The following OPCML variants were observed in gnomAD, a reference collection of about 807,000 sequenced individuals.
OPCML encodes opioid-binding protein/cell adhesion molecule.
Under a neutral mutation model 37.8 loss-of-function variants are expected in OPCML, and 13 were observed. The observed-to-expected ratio is 0.34, with a 90% CI of 0.22 to 0.55. The LOEUF (loss-of-function observed/expected upper bound fraction) is 0.55, where lower values mean the gene tolerates loss of function less well. Among genes scored for constraint, OPCML ranks in the 20% least tolerant of loss-of-function variants. The pLI, the probability that OPCML is intolerant of heterozygous loss-of-function variation, is 0.91. For missense variants in OPCML, 341 were observed against 435.6 expected (o/e 0.78, Z 1.93); for synonymous variants, 176 against 168.8 (o/e 1.04, Z -0.33).
chr11:132,469,528 GTGTA>G (rs367554234), intron 4 of OPCML, among the ~76,000 whole-genome samples: 2,500 of 149,258 alleles, frequency 0.017, 34 homozygotes, highest in South Asian at 0.058. Context: ...TGGGGTGTGT[GTGTA>G]TGTATGTGTG....
chr11:133,456,514 C>G (rs952914551), intron 1 of OPCML, among the ~76,000 whole-genome samples: 1 of 151,480 alleles, frequency 6.6e-6, no homozygotes, highest in Non-Finnish European at 1.5e-5. Context: ...ATAAAAGGAA[C>G]AAAATAATTT....
At chr11:133,321,464 G>A (rs546713947) in intron 1 of OPCML, among the ~76,000 whole-genome samples, 1 of 152,302 alleles carries the variant, frequency 6.6e-6, no homozygotes, top group South Asian at 2.1e-4. Context: ...GTGTACAGGA[G>A]TCTGGGGGGA....
At chr11:132,940,087 G>A (rs545793206) in intron 2 of OPCML, among the ~76,000 whole-genome samples, 52 of 152,260 alleles carry the variant, frequency 3.4e-4, no homozygotes, top group African/African-American at 1.1e-3. Context: ...TTTCATCCAC[G>A]TTCAAAGCTT....
At chr11:133,042,479 C>A (rs151288204) in intron 1 of OPCML, among the ~76,000 whole-genome samples, 1 of 152,158 alleles carries the variant, frequency 6.6e-6, no homozygotes, top group Admixed American at 6.5e-5. Context: ...GGGACGCAAA[C>A]GGTGCAGTAG....
chr11:133,493,531 T>C (rs909493662), intron 1 of OPCML, among the ~76,000 whole-genome samples: 1 of 152,180 alleles, frequency 6.6e-6, no homozygotes, highest in African/African-American at 2.4e-5. Flanking sequence ...AAGACACTTC[T>C]ACAACATCTT....
intron 1 of OPCML, among the ~76,000 whole-genome samples, chr11:132,995,261 T>C (rs959870052): frequency 1.3e-5 from 2 of 152,182 alleles, no homozygotes; most frequent in Non-Finnish European, 2.9e-5. Context: ...ATTTGGGTTA[T>C]ATGACAACCC....
chr11:132,452,712 C>G (rs2096071794), intron 4 of OPCML, among the ~76,000 whole-genome samples: 1 of 152,060 alleles, frequency 6.6e-6, no homozygotes, highest in Admixed American at 6.5e-5. Flanking sequence ...TGAACTCTTA[C>G]ACAATAAGCC....
chr11:133,379,233 C>A (rs1944879067), intron 1 of OPCML, among the ~76,000 whole-genome samples: 1 of 152,202 alleles, frequency 6.6e-6, no homozygotes, highest in Non-Finnish European at 1.5e-5. Context: ...AACTAGTCCA[C>A]ACACTAATGA....
At chr11:132,455,313 G>T (rs934293082) in intron 4 of OPCML, among the ~76,000 whole-genome samples, 1 of 152,182 alleles carries the variant, frequency 6.6e-6, no homozygotes, top group Non-Finnish European at 1.5e-5. Context: ...CCTGGAGTGT[G>T]CAGTGACCTG....
rs933782992 is a variant in OPCML, at chr11:132,461,182, G to T, written c.506-23823C>A. On this transcript the variant is annotated intron_variant, in intron 4 of 7. Coordinates refer to ENST00000524381, the MANE Select transcript of OPCML (RefSeq NM_001012393.5). ...TAAAACCCTTAGAATCTCTGCAGCT[G>T]TAAGAGTGTCCTTTGTATGCTAATG... Among the ~76,000 whole-genome samples, 11 of 152,138 alleles carry T rather than the reference G, an allele frequency of 7.2e-5. No individual in the cohort carries two copies. In the East Asian group the frequency reaches 2.1e-3, roughly 29 times the overall value.
At chr11:132,590,122 T>C (rs1055574320) in intron 3 of OPCML, among the ~76,000 whole-genome samples, 51 of 152,282 alleles carry the variant, frequency 3.3e-4, no homozygotes, top group African/African-American at 1.1e-3. Flanking sequence ...ATTCCTATCT[T>C]CCTAGTTCTG....
intron 2 of OPCML, among the ~76,000 whole-genome samples, chr11:132,734,109 T>C (rs2136018125): frequency 6.6e-6 from 1 of 152,318 alleles, no homozygotes; most frequent in East Asian, 1.9e-4. Flanking sequence ...AAAGTACTTA[T>C]CATAATTCTT....
At chr11:132,604,136 A>G (rs567705060) in intron 3 of OPCML, among the ~76,000 whole-genome samples, 1 of 152,318 alleles carries the variant, frequency 6.6e-6, no homozygotes, top group South Asian at 2.1e-4. Flanking sequence ...CAGTATAAAG[A>G]TGAGCAAGAG....
At chr11:132,776,398 C>G (rs558260314) in intron 2 of OPCML, among the ~76,000 whole-genome samples, 1 of 152,314 alleles carries the variant, frequency 6.6e-6, no homozygotes, top group Non-Finnish European at 1.5e-5. Flanking sequence ...TTTGTCCTCT[C>G]CAAGTCTCAC....
chr11:133,008,808 C>T (rs972669694), intron 1 of OPCML: 2 of 774,626 alleles, frequency 2.6e-6, no homozygotes, highest in African/African-American at 3.8e-5. Flanking sequence ...TTCTTCCTGA[C>T]AGTACTCCCT....
At chr11:132,634,354 A>T (rs551212252) in intron 3 of OPCML, among the ~76,000 whole-genome samples, 4 of 152,252 alleles carry the variant, frequency 2.6e-5, no homozygotes, top group Non-Finnish European at 5.9e-5. Context: ...AATTTCCACA[A>T]GGAACATCTG....
intron 1 of OPCML, among the ~76,000 whole-genome samples, chr11:133,480,791 C>T (rs778430836): frequency 3.3e-5 from 5 of 152,254 alleles, no homozygotes; most frequent in Non-Finnish European, 5.9e-5. Context: ...TACAGAGGAT[C>T]ATGCAACATT....
intron 2 of OPCML, among the ~76,000 whole-genome samples, chr11:132,762,926 C>T (rs1352800977): frequency 2.0e-5 from 3 of 152,146 alleles, no homozygotes; most frequent in Non-Finnish European, 2.9e-5. Flanking sequence ...GTCCTTGAAA[C>T]CCAGGGCCCT....
Position 133,071,135 on chromosome 11 carries a change from G to A in OPCML, c.62-128125C>T, listed in dbSNP as rs141232176. ...TTAAAATAAAATATACTAGGTTGGG[G>A]TGAGGCAGGTACTGGCTAAGACAGG... On this transcript the variant is annotated intron_variant, in intron 1 of 7. Transcript: ENST00000524381. Among the ~76,000 whole-genome samples, 3 of 152,330 alleles carry A rather than the reference G, an allele frequency of 2.0e-5. No homozygotes were observed. In the East Asian group the frequency reaches 5.8e-4, roughly 29 times the overall value.
Sources: allele counts gnomAD v4.1 joint callset (sites outside exome capture counted in the v4.1 genomes callset), GRCh38; gene constraint gnomAD v4.1.1; transcripts MANE v1.5; gene names NCBI Gene and HGNC (gene_info 2026-07-23, HGNC 2026-07-21).